The following CTNNA3 variants were observed in gnomAD, a reference collection of about 807,000 sequenced individuals.
The protein encoded by CTNNA3 is catenin alpha-3.
CTNNA3 carries 76 observed loss-of-function variants against 95.7 expected under a neutral mutation model. The ratio of observed to expected loss-of-function variants is 0.79; its 90% CI spans 0.66 to 0.96. The LOEUF (loss-of-function observed/expected upper bound fraction) is 0.96. CTNNA3 is among the 40% of genes least tolerant of loss of function. The pLI is 0.00. For missense variants in CTNNA3, 1,191 were observed against 1,089.8 expected (o/e 1.09, Z -1.31); for synonymous variants, 431 against 374.4 (o/e 1.15, Z -1.74).
chr10:67,190,314 T>C lies in CTNNA3; in HGVS notation c.844-9794A>G, dbSNP rs562562508. Among the ~76,000 whole-genome samples the C allele has an allele frequency of 2.6e-5, 4 of 152,136 alleles. No homozygotes were observed. The South Asian group carries it at 6.2e-4, about 24-fold the overall frequency. ...CAGGATGATATATATAATGATATCATATATATTTTTAAAACGAGCACACAA... is the reference window on the plus strand; with the variant it reads ...CAGGATGATATATATAATGATATCACATATATTTTTAAAACGAGCACACAA... On this transcript the variant is annotated intron_variant, in intron 6 of 17. Transcript: ENST00000433211.
At chr10:66,983,685 G>A (rs1850572485) in intron 7 of CTNNA3, among the ~76,000 whole-genome samples, 1 of 152,106 alleles carries the variant, frequency 6.6e-6, no homozygotes, top group Non-Finnish European at 1.5e-5. Flanking sequence ...TCAGGTGGAG[G>A]GAGGCATAGA....
intron 5 of CTNNA3, among the ~76,000 whole-genome samples, chr10:67,257,245 A>G (rs1866390245): frequency 6.6e-6 from 1 of 152,212 alleles, no homozygotes; most frequent in Admixed American, 6.5e-5. Flanking sequence ...TGTTTTAAGA[A>G]CAAGCAGGCT....
chr10:67,585,999 C>T (rs1488145045), intron 3 of CTNNA3, among the ~76,000 whole-genome samples: 1 of 152,042 alleles, frequency 6.6e-6, no homozygotes, highest in Non-Finnish European at 1.5e-5. Context: ...TTTTCTGTAT[C>T]TCACAGATTT....
At chr10:65,956,031 G>T (rs2493894) in intron 17 of CTNNA3, among the ~76,000 whole-genome samples, 28,857 of 151,934 alleles carry the variant, frequency 0.19, 2,902 homozygotes, top group South Asian at 0.29. Flanking sequence ...ACTTTTTTTG[G>T]TTGGTATGCT....
intron 9 of CTNNA3, among the ~76,000 whole-genome samples, chr10:66,675,147 T>G (rs1168855456): frequency 6.6e-6 from 1 of 152,084 alleles, no homozygotes; most frequent in Admixed American, 6.6e-5. Flanking sequence ...GACTGTCTAC[T>G]TGCCTCTCAG....
intron 6 of CTNNA3, among the ~76,000 whole-genome samples, chr10:67,189,140 AAC>A (rs1491027715): frequency 8.6e-6 from 1 of 115,908 alleles, no homozygotes; most frequent in East Asian, 2.1e-4. Flanking sequence ...CAACAACAAC[AAC>A]AAAAAAAAAA....
At chr10:67,724,617 C>A (rs1336992645) in intron 1 of CTNNA3, among the ~76,000 whole-genome samples, 1 of 152,206 alleles carries the variant, frequency 6.6e-6, no homozygotes, top group Non-Finnish European at 1.5e-5. Flanking sequence ...GATTAACCCA[C>A]AACCAATGGG....
intron 9 of CTNNA3, among the ~76,000 whole-genome samples, chr10:66,755,866 A>G (rs1290807153): frequency 6.6e-6 from 1 of 152,092 alleles, no homozygotes; most frequent in African/African-American, 2.4e-5. Flanking sequence ...GTTTAATCCT[A>G]AACTAATTCA....
intron 5 of CTNNA3, among the ~76,000 whole-genome samples, chr10:67,360,293 C>T (rs1166677362): frequency 6.6e-6 from 1 of 151,456 alleles, no homozygotes; most frequent in African/African-American, 2.4e-5. Context: ...AGAAACAATG[C>T]AATTGAGAAT....
chr10:66,361,480 A>G (rs530038629), intron 12 of CTNNA3, among the ~76,000 whole-genome samples: 4 of 75,750 alleles, frequency 5.3e-5, no homozygotes, highest in African/African-American at 2.2e-4. Context: ...CTTTCTTTCT[A>G]TTTTTCTTTC....
intron 7 of CTNNA3, among the ~76,000 whole-genome samples, chr10:66,798,883 C>G (rs1005901052): frequency 6.6e-6 from 1 of 151,588 alleles, no homozygotes; most frequent in Admixed American, 6.6e-5. Flanking sequence ...AAACCTTATG[C>G]ATCAATCTGT....
At chr10:66,105,521 T>A (rs750739387) in intron 13 of CTNNA3, among the ~76,000 whole-genome samples, 1 of 152,210 alleles carries the variant, frequency 6.6e-6, no homozygotes, top group Non-Finnish European at 1.5e-5. Flanking sequence ...GACAAATAAC[T>A]TCATCATCCA....
chr10:66,668,537 G>T (rs2132464645), intron 9 of CTNNA3, among the ~76,000 whole-genome samples: 1 of 151,938 alleles, frequency 6.6e-6, no homozygotes, highest in African/African-American at 2.4e-5. Context: ...TATTGGCCGG[G>T]TGCGGTGGTT....
chr10:66,590,872 T>C (rs989407226), intron 10 of CTNNA3, among the ~76,000 whole-genome samples: 5 of 152,092 alleles, frequency 3.3e-5, no homozygotes, highest in African/African-American at 4.8e-5. Flanking sequence ...TGTGCAGATA[T>C]AAAAAGAGAT....
At chr10:67,293,614 C>A (rs551382633) in intron 5 of CTNNA3, among the ~76,000 whole-genome samples, 1 of 151,620 alleles carries the variant, frequency 6.6e-6, no homozygotes, top group African/African-American at 2.4e-5. Flanking sequence ...TGTGCTGCAC[C>A]CATTAACTCG....
intron 10 of CTNNA3, among the ~76,000 whole-genome samples, chr10:66,597,384 A>G (rs958096130): frequency 6.6e-5 from 10 of 151,066 alleles, no homozygotes; most frequent in African/African-American, 2.4e-4. Context: ...GACACATTAT[A>G]ATCATATTAT....
At chr10:67,309,783 A>C (rs1413393462) in intron 5 of CTNNA3, among the ~76,000 whole-genome samples, 1 of 152,196 alleles carries the variant, frequency 6.6e-6, no homozygotes, top group Non-Finnish European at 1.5e-5. Flanking sequence ...GAACAAAAAA[A>C]TGAAATTCTA....
intron 5 of CTNNA3, among the ~76,000 whole-genome samples, chr10:67,325,812 C>T (rs1239103151): frequency 6.6e-6 from 1 of 152,088 alleles, no homozygotes; most frequent in Non-Finnish European, 1.5e-5. Flanking sequence ...GATGATCTGG[C>T]TAATATTGTT....
rs570696002 is a variant in CTNNA3, at chr10:66,779,378, C to A, written c.1048-3854G>T. Among the ~76,000 whole-genome samples, 4 of 149,870 alleles carry A rather than the reference C, an allele frequency of 2.7e-5. No homozygotes were observed. The South Asian group carries it at 8.5e-4, about 32-fold the overall frequency. On this transcript the variant is annotated intron_variant, in intron 7 of 17. Coordinates refer to ENST00000433211, the MANE Select transcript of CTNNA3 (RefSeq NM_013266.4). ...TCTTTTCTTTCTCTTTCTTTCTTTC[C>A]AAATGTTTTGTTCTGTTGCCCAGGC...
Sources: allele counts gnomAD v4.1 joint callset (sites outside exome capture counted in the v4.1 genomes callset), GRCh38; gene constraint gnomAD v4.1.1; transcripts MANE v1.5; gene names NCBI Gene and HGNC (gene_info 2026-07-23, HGNC 2026-07-21).